Variants in EDRF1 observed in about 807,000 individuals in gnomAD.
The protein encoded by EDRF1 is erythroid differentiation-related factor 1.
EDRF1 carries 69 observed loss-of-function variants against 148.7 expected under a neutral mutation model. The ratio of observed to expected loss-of-function variants is 0.46; its 90% CI spans 0.38 to 0.57. The LOEUF (loss-of-function observed/expected upper bound fraction) is 0.57, where lower values mean the gene tolerates loss of function less well. EDRF1 is among the 20% of genes least tolerant of loss of function. EDRF1 has a pLI of 0.00. For missense variants in EDRF1, 1,118 were observed against 1,478.7 expected, an observed-to-expected ratio of 0.76 and a Z score of 4.00; for synonymous variants, 515 against 532.8, an observed-to-expected ratio of 0.97 and a Z score of 0.46.
At chr10:125,761,399 A>G (rs1466672948) in intron 24 of EDRF1, 1 of 203,430 alleles carries the variant, frequency 4.9e-6, no homozygotes, top group East Asian at 1.5e-4. Flanking sequence ...CAGGCCTCTT[A>G]ACATTTTGGT....
intron 24 of EDRF1, among the ~76,000 whole-genome samples, chr10:125,760,500 A>C (rs1850145734): frequency 6.6e-6 from 1 of 152,204 alleles, no homozygotes; most frequent in Non-Finnish European, 1.5e-5. Flanking sequence ...TATTGATTTT[A>C]AGGTTTATTA....
intron 24 of EDRF1, among the ~76,000 whole-genome samples, chr10:125,756,072 T>C (rs1018277923): frequency 2.6e-5 from 4 of 152,212 alleles, no homozygotes; most frequent in South Asian, 4.1e-4. Context: ...CTTTTTAATA[T>C]AAGATTTGCT....
chr10:125,732,762 ATG>A (rs763375762), intron 9 of EDRF1, among the ~76,000 whole-genome samples: 3 of 152,172 alleles, frequency 2.0e-5, no homozygotes, highest in Non-Finnish European at 2.9e-5. Flanking sequence ...ACTTCAGAAA[ATG>A]TGGTAGGAGA....
intron 2 of EDRF1, 106 bp from the exon 3 acceptor site, chr10:125,722,953 TAAAATGTGG>T: frequency 2.1e-6 from 2 of 942,248 alleles, no homozygotes; most frequent in Admixed American, 3.4e-5. Context: ...TCAGAGTTGT[TAAAATGTGG>T]AAAATGTGTA....
Position 125,719,720 on chromosome 10 carries a change from CG to C in EDRF1, c.-87del, listed in dbSNP as rs1485342155. On this transcript the variant is annotated 5_prime_UTR_variant, in exon 1 of 25. Coordinates refer to ENST00000356792, the MANE Select transcript of EDRF1 (RefSeq NM_001202438.2). ...GAGACCGGAAGTGCGGTCCGCGGAG[CG>C]TCTCTGGCGCTTACCCTGCTTTGGG... 2.1e-6 allele frequency: 2 copies of C among 952,456 alleles called. No individual in the cohort carries two copies. The highest frequency in any genetic ancestry group is 5.6e-5 in the East Asian group (2 of 35,598). 59.0% of individuals were successfully genotyped at this position (952,456 alleles called of 1,614,324 possible). A position where few individuals can be genotyped will look rare whatever the true frequency, so the allele number is the denominator to read the frequency against.
At chr10:125,730,162 A>G (rs1848428590) in intron 8 of EDRF1, 126 bp from the exon 9 acceptor site, 1 of 708,730 alleles carries the variant, frequency 1.4e-6, no homozygotes, top group Admixed American at 2.3e-5. Context: ...CAGAAAAGAA[A>G]GCATAGATGG....
At position 125,745,597 on chromosome 10, in the gene EDRF1, C is replaced by T. The variant is rs527886728; in HGVS notation, c.2591-110C>T. The T allele has an allele frequency of 1.6e-4, 185 of 1,129,426 alleles. 1 individual carries two copies. The highest frequency in any genetic ancestry group is 8.9e-4 in the Admixed American group (47 of 52,518). The allele number at this position is 1,129,426 out of a possible 1,614,324, so 70.0% of individuals were successfully genotyped here. The stretch of plus-strand genomic sequence containing the variant: ...CGTGGTTGACTGCAGGTGACTGGCT[C>T]GCCACCACACTCCTGTCACTGCCAT... On this transcript the variant is annotated intron_variant, in intron 18 of 24. Transcript: ENST00000356792.
At chr10:125,745,533 G>T (rs891382624) in intron 18 of EDRF1, 174 bp from the exon 19 acceptor site, 3 of 666,570 alleles carry the variant, frequency 4.5e-6, no homozygotes, top group Middle Eastern at 4.0e-4. Context: ...ATATGGACAC[G>T]TTTACCTTCA....
At chr10:125,720,134 CAAG>C (rs1459889014) in intron 1 of EDRF1, among the ~76,000 whole-genome samples, 1 of 152,206 alleles carries the variant, frequency 6.6e-6, no homozygotes, top group Non-Finnish European at 1.5e-5. Context: ...TCTTTCCTCT[CAAG>C]GAGGGTACAT....
intron 11 of EDRF1, 45 bp from the exon 12 acceptor site, chr10:125,734,027 C>A: frequency 6.8e-7 from 1 of 1,465,374 alleles, no homozygotes; most frequent in Non-Finnish European, 9.6e-7. Flanking sequence ...GTCTTGCAGA[C>A]AACGATGAAA....
intron 2 of EDRF1, among the ~76,000 whole-genome samples, chr10:125,721,760 T>G (rs1224060849): frequency 6.6e-6 from 1 of 152,094 alleles, no homozygotes; most frequent in Non-Finnish European, 1.5e-5. Flanking sequence ...AGGAAAACCT[T>G]GAACATTCCT....
At chr10:125,757,054 C>A (rs1219527984) in intron 24 of EDRF1, 1 of 434,822 alleles carries the variant, frequency 2.3e-6, no homozygotes, top group South Asian at 1.7e-5. Context: ...GTCAAGCAGT[C>A]CACCTTCCCC....
chr10:125,722,786 AT>A (rs748089615), intron 2 of EDRF1, among the ~76,000 whole-genome samples: 7 of 152,202 alleles, frequency 4.6e-5, no homozygotes, highest in Non-Finnish European at 7.3e-5. Context: ...ATAAAGAATA[AT>A]TGTTTTTATT....
intron 6 of EDRF1, 54 bp downstream of exon 6, chr10:125,725,892 T>C: frequency 6.3e-7 from 1 of 1,584,614 alleles, no homozygotes; most frequent in Non-Finnish European, 8.6e-7. Context: ...AAAGCCTTTT[T>C]TAACATCTCG....
Position 125,763,309 on chromosome 10 carries a change from T to C in EDRF1, c.3554T>C (p.Ile1185Thr), listed in dbSNP as rs752284277. 3 of 1,612,520 alleles carry C rather than the reference T, an allele frequency of 1.9e-6. No homozygotes were observed. The African/African-American group carries it at 4.0e-5, about 22-fold the overall frequency. ...TTCTTTTTTAACCCTAGCAATAACATCGAAGATGACACAATTCTCAAAACC... is the reference window on the plus strand; with the variant it reads ...TTCTTTTTTAACCCTAGCAATAACACCGAAGATGACACAATTCTCAAAACC... Reference protein sequence around the residue: ...SSTKKKTSNNIEDDTILKTNK... With the variant: ...SSTKKKTSNNTEDDTILKTNK... The change falls in exon 25 of 25, where the codon ATC becomes ACC. Residue 1185 changes from isoleucine to threonine, a missense_variant. Physicochemically the swap from Ile to Thr is moderately conservative, Grantham distance 89. Coordinates refer to ENST00000356792, the MANE Select transcript of EDRF1 (RefSeq NM_001202438.2). The surrounding 1 kb of genome is among the most constrained non-coding windows in gnomAD (Gnocchi z 4.3).
intron 3 of EDRF1, 28 bp from the exon 4 acceptor site, chr10:125,723,783 A>G (rs367690424): frequency 2.0e-4 from 325 of 1,601,888 alleles, no homozygotes; most frequent in Non-Finnish European, 2.7e-4. Flanking sequence ...CAGTCTTTCT[A>G]AACTATTTTT....
At chr10:125,758,752 C>T (rs1347186336) in intron 24 of EDRF1, among the ~76,000 whole-genome samples, 1 of 152,180 alleles carries the variant, frequency 6.6e-6, no homozygotes, top group African/African-American at 2.4e-5. Context: ...CCATATTCCA[C>T]TGTCACTGGT....
chr10:125,725,467 A>G (rs754860703), intron 5 of EDRF1, 25 bp downstream of exon 5: 53 of 1,612,886 alleles, frequency 3.3e-5, no homozygotes, highest in Non-Finnish European at 3.7e-5. Flanking sequence ...ATTTATCTCT[A>G]AAGAGAAAAA....
At chr10:125,730,014 A>G (rs1589827528) in intron 8 of EDRF1, among the ~76,000 whole-genome samples, 1 of 152,252 alleles carries the variant, frequency 6.6e-6, no homozygotes, top group African/African-American at 2.4e-5. Context: ...AGGAGCAGGC[A>G]GTAGGCTCAC....
Sources: gnomAD v4.1 joint callset for allele counts (sites outside exome capture counted in the v4.1 genomes callset) on GRCh38, gnomAD v4.1.1 for gene constraint, Gnocchi (gnomAD v3.1) non-coding constraint, MANE v1.5 for transcripts, NCBI Gene and HGNC (gene_info 2026-07-23, HGNC 2026-07-21) for gene names.